The following MSRB3 variants were observed in gnomAD, a reference collection of about 807,000 sequenced individuals.
MSRB3 encodes methionine-R-sulfoxide reductase B3.
MSRB3 carries 13 observed loss-of-function variants against 21.0 expected under a neutral mutation model. The ratio of observed to expected loss-of-function variants is 0.62; its 90% CI spans 0.40 to 0.98. The LOEUF (loss-of-function observed/expected upper bound fraction) is 0.98, where lower values mean the gene tolerates loss of function less well. MSRB3 is among the 50% of genes least tolerant of loss of function. The probability of loss-of-function intolerance (pLI) is 0.00; values close to 1 mark genes in which losing one functional copy is unlikely to be tolerated. For missense variants in MSRB3, 199 were observed against 230.3 expected (o/e 0.86, Z 0.88); for synonymous variants, 87 against 88.6 (o/e 0.98, Z 0.10).
At chr12:65,343,697 G>T (rs1565843618) in intron 4 of MSRB3, among the ~76,000 whole-genome samples, 1 of 152,048 alleles carries the variant, frequency 6.6e-6, no homozygotes, top group Non-Finnish European at 1.5e-5. Context: ...AACACGGGTA[G>T]TAAGAGATGG....
In MSRB3 at chr12:65,348,798, A is replaced by G. The variant is rs190173471; in HGVS notation, c.263+20195A>G. ...TCTGGTATGTTGTGTCTTTGTTCTC[A>G]TTGGTTTCAAAGAACATCTTTATTT... On this transcript the variant is annotated intron_variant, in intron 4 of 6. Coordinates refer to ENST00000308259, the MANE Select transcript of MSRB3 (RefSeq NM_001031679.3). Among the ~76,000 whole-genome samples the G allele has an allele frequency of 5.8e-3, 889 of 152,026 alleles. 4 individuals carry two copies. The highest frequency in any genetic ancestry group is 0.019 in the African/African-American group (780 of 41,466).
intron 1 of MSRB3, among the ~76,000 whole-genome samples, chr12:65,280,130 G>A: frequency 6.6e-6 from 1 of 152,094 alleles, no homozygotes; most frequent in East Asian, 1.9e-4. Flanking sequence ...AAAAACTTCA[G>A]GGTTCATATA....
At chr12:65,385,067 C>T (rs1248301242) in intron 5 of MSRB3, among the ~76,000 whole-genome samples, 1 of 152,014 alleles carries the variant, frequency 6.6e-6, no homozygotes, top group Non-Finnish European at 1.5e-5. Context: ...CATTTTTCTC[C>T]TTCACTGAGG....
At chr12:65,290,939 A>G (rs904068043) in intron 1 of MSRB3, among the ~76,000 whole-genome samples, 1 of 152,204 alleles carries the variant, frequency 6.6e-6, no homozygotes, top group Non-Finnish European at 1.5e-5. Context: ...GTGATTGGAA[A>G]CTACTGATTT....
Position 65,430,148 on chromosome 12 carries a change from T to C in MSRB3, c.293-23580T>C, listed in dbSNP as rs531101037. On this transcript the variant is annotated intron_variant, in intron 5 of 6. Coordinates refer to ENST00000308259, the MANE Select transcript of MSRB3 (RefSeq NM_001031679.3). ...TTGAAGAATCTAAAAGGCTTCAGGG[T>C]AACAGTGAAGTGGACGACACATTCT... Among the ~76,000 whole-genome samples, 18 of 152,292 alleles carry C rather than the reference T, an allele frequency of 1.2e-4. No individual in the cohort carries two copies. The South Asian group carries it at 3.5e-3, about 30-fold the overall frequency.
chr12:65,357,493 T>C (rs1163331063), intron 4 of MSRB3, among the ~76,000 whole-genome samples: 1 of 152,036 alleles, frequency 6.6e-6, no homozygotes, highest in Non-Finnish European at 1.5e-5. Context: ...TAGTGTGGAA[T>C]ATTTGTTATA....
At position 65,463,446 on chromosome 12, in the gene MSRB3, T is replaced by A. The variant is rs1295318130; in HGVS notation, c.*124T>A. The stretch of plus-strand genomic sequence containing the variant: ...AGGGCAGTTTTGTGCTATTGATATT[T>A]TTTCTTCTTTTGCTTAAACAGAAGC... On this transcript the variant is annotated 3_prime_UTR_variant, in exon 7 of 7. Coordinates refer to ENST00000308259, the MANE Select transcript of MSRB3 (RefSeq NM_001031679.3). The A allele has an allele frequency of 1.6e-6, 2 of 1,231,398 alleles. No homozygotes were observed. Among genetic ancestry groups the A allele is most frequent in the African/African-American group, 3.0e-5 (2 of 65,744 alleles). 76.3% of individuals were successfully genotyped at this position (1,231,398 alleles called of 1,614,324 possible). A position where few individuals can be genotyped will look rare whatever the true frequency, so the allele number is the denominator to read the frequency against.
At chr12:65,367,159 G>A (rs1390243636) in intron 4 of MSRB3, among the ~76,000 whole-genome samples, 1 of 152,222 alleles carries the variant, frequency 6.6e-6, no homozygotes, top group East Asian at 1.9e-4. Flanking sequence ...TTAGGAAAGG[G>A]AGATAGATGA....
At chr12:65,437,103 T>G (rs1487318562) in intron 5 of MSRB3, among the ~76,000 whole-genome samples, 1 of 151,860 alleles carries the variant, frequency 6.6e-6, no homozygotes, top group Non-Finnish European at 1.5e-5. Flanking sequence ...TTTCTGAACC[T>G]CTTGAGCTAA....
intron 1 of MSRB3, among the ~76,000 whole-genome samples, chr12:65,307,270 G>C (rs1337631822): frequency 2.0e-5 from 3 of 151,912 alleles, no homozygotes; most frequent in African/African-American, 7.3e-5. Flanking sequence ...CCTCCTCTTT[G>C]TCTGCAGTTA....
chr12:65,339,072 G>A (rs1298514454), intron 4 of MSRB3, among the ~76,000 whole-genome samples: 1 of 152,054 alleles, frequency 6.6e-6, no homozygotes, highest in Non-Finnish European at 1.5e-5. Context: ...GCAAGATTCT[G>A]TCTCAAAAAA....
At chr12:65,363,936 A>G (rs1269488384) in intron 4 of MSRB3, among the ~76,000 whole-genome samples, 3 of 152,212 alleles carry the variant, frequency 2.0e-5, no homozygotes, top group Non-Finnish European at 4.4e-5. Context: ...CATTGAGCTC[A>G]TAACATGTTC....
chr12:65,414,288 G>A (rs1880861492), intron 5 of MSRB3, among the ~76,000 whole-genome samples: 1 of 152,122 alleles, frequency 6.6e-6, no homozygotes, highest in South Asian at 2.1e-4. Flanking sequence ...TGGGGAGAAT[G>A]GTAGCTCACA....
intron 4 of MSRB3, among the ~76,000 whole-genome samples, chr12:65,368,233 T>C (rs1276490637): frequency 3.9e-5 from 6 of 152,256 alleles, no homozygotes; most frequent in Non-Finnish European, 8.8e-5. Context: ...TCTTGTATCT[T>C]GCTGTGGCAG....
intron 1 of MSRB3, among the ~76,000 whole-genome samples, chr12:65,303,078 G>T (rs1370989991): frequency 6.6e-6 from 1 of 152,030 alleles, no homozygotes; most frequent in East Asian, 1.9e-4. Context: ...ACAGTTCTGG[G>T]TGTGGTGGAG....
intron 5 of MSRB3, among the ~76,000 whole-genome samples, chr12:65,397,621 T>C (rs1341298960): frequency 6.6e-6 from 1 of 152,150 alleles, no homozygotes; most frequent in East Asian, 1.9e-4. Context: ...TTTTTTTAAT[T>C]ATTATACTCT....
intron 5 of MSRB3, among the ~76,000 whole-genome samples, chr12:65,444,529 T>A (rs1882526858): frequency 1.3e-5 from 2 of 152,184 alleles, no homozygotes; most frequent in African/African-American, 4.8e-5. Flanking sequence ...ATTGTAACAT[T>A]TGAACACTTC....
At chr12:65,427,566 G>C (rs971119115) in intron 5 of MSRB3, among the ~76,000 whole-genome samples, 2 of 152,184 alleles carry the variant, frequency 1.3e-5, no homozygotes, top group African/African-American at 4.8e-5. Flanking sequence ...TGTGGCACTA[G>C]TGTCTGATGA....
chr12:65,453,643 G>C (rs914301678), intron 5 of MSRB3, 85 bp from the exon 6 acceptor site: 3 of 976,466 alleles, frequency 3.1e-6, no homozygotes, highest in African/African-American at 3.2e-5. Context: ...TTCATTATTT[G>C]CTTAGTATTT....
Sources: allele counts gnomAD v4.1 joint callset (sites outside exome capture counted in the v4.1 genomes callset), GRCh38; gene constraint gnomAD v4.1.1; transcripts MANE v1.5; gene names NCBI Gene and HGNC (gene_info 2026-07-23, HGNC 2026-07-21).